Variants in S100Z observed in about 807,000 individuals in gnomAD.
S100Z encodes S100 calcium binding protein Z, also known as protein S100-Z.
S100Z carries 11 observed loss-of-function variants against 8.5 expected under a neutral mutation model. That is an observed-to-expected ratio of 1.30 (90% confidence interval 0.82 to 2.15). The LOEUF (loss-of-function observed/expected upper bound fraction) is 2.15, where lower values mean the gene tolerates loss of function less well. Ranked by LOEUF, S100Z falls within the 30% of genes most tolerant of loss-of-function variation. S100Z has a pLI of 0.00. For synonymous variants in S100Z, 34 were observed against 43.8 expected (o/e 0.78, Z 0.89); for missense variants, 126 against 117.9 (o/e 1.07, Z -0.32).
chr5:76,896,837 T>C (rs758368679), intron 4 of S100Z, among the ~76,000 whole-genome samples: 4 of 152,364 alleles, frequency 2.6e-5, no homozygotes, highest in Non-Finnish European at 2.9e-5. Context: ...ATGTCTTCTT[T>C]TGAGAAATGT....
the S100Z span, among the ~76,000 whole-genome samples, chr5:76,940,471 G>A: frequency 5.3e-5 from 8 of 151,626 alleles, no homozygotes; most frequent in Non-Finnish European, 1.0e-4. Context: ...GGAGTGCAGC[G>A]GCACGATCTC....
chr5:76,919,907 ATTTTT>A (rs1184233230), intron 4 of S100Z, among the ~76,000 whole-genome samples: 1 of 122,222 alleles, frequency 8.2e-6, no homozygotes, highest in Non-Finnish European at 1.8e-5. Flanking sequence ...CCCAGCTTTC[ATTTTT>A]TTTTTTTTTT....
chr5:76,911,747 C>T (rs1488631310), intron 4 of S100Z, among the ~76,000 whole-genome samples: 1 of 152,200 alleles, frequency 6.6e-6, no homozygotes, highest in South Asian at 2.1e-4. Flanking sequence ...CCAGCTTTGC[C>T]TATAGCAGGT....
intron 1 of S100Z, among the ~76,000 whole-genome samples, chr5:76,852,345 C>G (rs12653224): frequency 1.3e-5 from 2 of 152,014 alleles, no homozygotes; most frequent in African/African-American, 4.8e-5. Flanking sequence ...GCAGCCTGGC[C>G]GTGGAAGCAG....
chr5:76,857,136 A>G (rs1198500905), intron 1 of S100Z, among the ~76,000 whole-genome samples: 1 of 152,112 alleles, frequency 6.6e-6, no homozygotes, highest in Non-Finnish European at 1.5e-5. Flanking sequence ...TACTAAGAAT[A>G]CAAAAATTAG....
intron 4 of S100Z, among the ~76,000 whole-genome samples, chr5:76,889,074 C>T (rs941594672): frequency 6.6e-6 from 1 of 152,148 alleles, no homozygotes; most frequent in African/African-American, 2.4e-5. Context: ...CAAACCAAGC[C>T]CCTGAGCCCT....
At chr5:76,859,101 G>A (rs1423246640) in intron 1 of S100Z, among the ~76,000 whole-genome samples, 1 of 152,130 alleles carries the variant, frequency 6.6e-6, no homozygotes, top group East Asian at 1.9e-4. Flanking sequence ...GTGAAAGAGC[G>A]AGACAGTGTC....
chr5:76,922,838 G>A (rs1329613253), downstream of S100Z, among the ~76,000 whole-genome samples: 1 of 152,022 alleles, frequency 6.6e-6, no homozygotes, highest in African/African-American at 2.4e-5. Context: ...GAGTATTTAA[G>A]CAACCATCTA....
chr5:76,871,481 C>A (rs1743007251), intron 2 of S100Z, among the ~76,000 whole-genome samples: 1 of 149,638 alleles, frequency 6.7e-6, no homozygotes, highest in African/African-American at 2.5e-5. Flanking sequence ...CTTTAGACAA[C>A]AATGCTTAAC....
chr5:76,916,639 A>G (rs1183869166), intron 4 of S100Z, among the ~76,000 whole-genome samples: 1 of 152,188 alleles, frequency 6.6e-6, no homozygotes, highest in African/African-American at 2.4e-5. Context: ...GAAAGATAAC[A>G]TGAAAATTTT....
chr5:76,896,770 T>C (rs972361524), intron 4 of S100Z, among the ~76,000 whole-genome samples: 1 of 152,248 alleles, frequency 6.6e-6, no homozygotes, highest in Non-Finnish European at 1.5e-5. Context: ...AGCTTTGATA[T>C]GCATTTCTCT....
At chr5:76,883,409 G>C (rs796532054) in intron 4 of S100Z, among the ~76,000 whole-genome samples, 6 of 152,316 alleles carry the variant, frequency 3.9e-5, no homozygotes, top group African/African-American at 1.4e-4. Context: ...GTGCATAAAA[G>C]AATATTGTCC....
chr5:76,874,921 GT>G (rs1314707356), intron 2 of S100Z, among the ~76,000 whole-genome samples: 1 of 151,624 alleles, frequency 6.6e-6, no homozygotes, highest in Non-Finnish European at 1.5e-5. Context: ...GTCTCGCTCT[GT>G]CGCCCAGGCT....
chr5:76,851,215 C>T (rs918996353), intron 1 of S100Z, among the ~76,000 whole-genome samples: 1 of 152,188 alleles, frequency 6.6e-6, no homozygotes, highest in African/African-American at 2.4e-5. Context: ...AGCACAGTGG[C>T]AGTGCCACGT....
the S100Z span, among the ~76,000 whole-genome samples, chr5:76,941,445 T>C: frequency 6.6e-6 from 1 of 152,246 alleles, no homozygotes; most frequent in South Asian, 2.1e-4. Flanking sequence ...CTCTCTTGCC[T>C]GCCGCCATGT....
intron 4 of S100Z, among the ~76,000 whole-genome samples, chr5:76,880,589 G>A (rs554295472): frequency 2.0e-4 from 30 of 152,054 alleles, no homozygotes; most frequent in African/African-American, 5.1e-4. Flanking sequence ...GCCTGGATGC[G>A]GTTTTGTATG....
chr5:76,867,145 T>G (rs1232177660), intron 1 of S100Z, among the ~76,000 whole-genome samples: 1 of 152,138 alleles, frequency 6.6e-6, no homozygotes, highest in Non-Finnish European at 1.5e-5. Flanking sequence ...AATACACACT[T>G]TGGTAAGTTT....
chr5:76,880,626 A>G (rs1300936114), intron 4 of S100Z, among the ~76,000 whole-genome samples: 2 of 152,224 alleles, frequency 1.3e-5, no homozygotes, highest in Non-Finnish European at 2.9e-5. Flanking sequence ...GAAAGACACA[A>G]GGTCCAAATA....
chr5:76,850,389 G>A lies in S100Z; in HGVS notation c.-176+234G>A, dbSNP rs546531808. ...GAGCAGCCTGATCATAGCTCGGAGC[G>A]TAGAGGTTCTGGTAAGTTCCTTGCC... is the stretch of plus-strand genomic sequence containing the variant. On this transcript the variant is annotated intron_variant, in intron 1 of 4. Transcript: ENST00000317593. Among the ~76,000 whole-genome samples the A allele has an allele frequency of 6.6e-5, 10 of 152,002 alleles. No homozygotes were observed. The South Asian group carries it at 1.9e-3, about 28-fold the overall frequency.
Sources: gnomAD v4.1 joint callset for allele counts (sites outside exome capture counted in the v4.1 genomes callset) on GRCh38, gnomAD v4.1.1 for gene constraint, MANE v1.5 for transcripts, NCBI Gene and HGNC (gene_info 2026-07-23, HGNC 2026-07-21) for gene names.